OTULIN: variants seen among roughly 807,000 people sequenced by gnomAD.
The protein encoded by OTULIN is ubiquitin thioesterase otulin.
In OTULIN, 15 loss-of-function variants were observed where a neutral mutation model predicts 39.6. That is an observed-to-expected ratio of 0.38 (90% CI 0.25 to 0.58). The LOEUF (loss-of-function observed/expected upper bound fraction) is 0.58, where lower values mean the gene tolerates loss of function less well. Among genes scored for constraint, OTULIN ranks in the 20% least tolerant of loss-of-function variants. The pLI, the probability that OTULIN is intolerant of heterozygous loss-of-function variation, is 0.66. For synonymous variants in OTULIN, 156 were observed against 170.3 expected, an observed-to-expected ratio of 0.92 and a Z score of 0.65; for missense variants, 319 against 445.9, an observed-to-expected ratio of 0.72 and a Z score of 2.56.
At chr5:14,679,014 A>T (rs1736177783) in intron 3 of OTULIN, among the ~76,000 whole-genome samples, 1 of 152,234 alleles carries the variant, frequency 6.6e-6, no homozygotes, top group African/African-American at 2.4e-5. Context: ...AAAAACACGT[A>T]AATGACTGCT....
the OTULIN span, chr5:14,713,673 G>C: frequency 6.2e-7 from 1 of 1,613,796 alleles, no homozygotes; most frequent in African/African-American, 1.3e-5. The surrounding 1 kb of genome is among the most constrained non-coding windows in gnomAD (Gnocchi z 4.4). Context: ...TGTGACTGTT[G>C]GGAGGAGCAA....
chr5:14,713,614 C>A, the OTULIN span: 3 of 1,614,200 alleles, frequency 1.9e-6, no homozygotes, highest in Non-Finnish European at 2.5e-6. The surrounding 1 kb of genome is among the most constrained non-coding windows in gnomAD (Gnocchi z 4.4). Flanking sequence ...GGGGCAAGGA[C>A]GAAGGTTTTC....
rs1736595754 is a variant in OTULIN at position 14,693,800 on chromosome 5, T to C, written c.*752T>C. On this transcript the variant is annotated 3_prime_UTR_variant, in exon 7 of 7. Transcript: ENST00000284274. Reference sequence around the variant, plus strand: ...AGTGGTGAGGGAACCTAGAACTTCTTGCTCCTTGTGACTATGACAGATGTC... The same window carrying C: ...AGTGGTGAGGGAACCTAGAACTTCTCGCTCCTTGTGACTATGACAGATGTC... 6.6e-6 allele frequency: 1 copy of C among 152,280 alleles called. No individual in the cohort carries two copies. The highest frequency in any genetic ancestry group is 2.1e-4 in the South Asian group (1 of 4,824). The allele number at this position is 152,280 out of a possible 1,614,324, so 9.4% of individuals were successfully genotyped here.
intron 1 of OTULIN, among the ~76,000 whole-genome samples, chr5:14,666,336 A>T (rs1230115641): frequency 6.6e-6 from 1 of 152,130 alleles, no homozygotes; most frequent in Non-Finnish European, 1.5e-5. Flanking sequence ...TTTCTTGAAG[A>T]GTTTTTGTGG....
chr5:14,703,967 C>T (rs897783687), downstream of OTULIN, among the ~76,000 whole-genome samples: 1 of 152,144 alleles, frequency 6.6e-6, no homozygotes, highest in African/African-American at 2.4e-5. Context: ...ACACTTTCTA[C>T]AATGTCTTAT....
chr5:14,683,903 G>A (rs949942514), intron 4 of OTULIN, among the ~76,000 whole-genome samples: 1 of 152,034 alleles, frequency 6.6e-6, no homozygotes, highest in African/African-American at 2.4e-5. Flanking sequence ...GATATATTGG[G>A]TAAGATTATC....
intron 5 of OTULIN, among the ~76,000 whole-genome samples, chr5:14,688,970 T>C (rs1379992402): frequency 6.6e-6 from 1 of 152,228 alleles, no homozygotes; most frequent in Non-Finnish European, 1.5e-5. Flanking sequence ...AAATTACTAA[T>C]AATCTGAGCC....
At chr5:14,675,089 C>T (rs979134864) in intron 2 of OTULIN, among the ~76,000 whole-genome samples, 1 of 152,144 alleles carries the variant, frequency 6.6e-6, no homozygotes, top group African/African-American at 2.4e-5. Flanking sequence ...ACTCATGTTG[C>T]TCTAATAGGG....
chr5:14,670,632 TCTCA>T (rs1735957121), intron 1 of OTULIN, among the ~76,000 whole-genome samples: 1 of 152,186 alleles, frequency 6.6e-6, no homozygotes, highest in Non-Finnish European at 1.5e-5. Context: ...AGTGACAGGG[TCTCA>T]CTCTATTGCC....
At chr5:14,706,995 C>G in the OTULIN span, 1 of 152,176 alleles carries the variant, frequency 6.6e-6, no homozygotes, top group South Asian at 2.1e-4. Flanking sequence ...TCCTCACACT[C>G]CACTGCAATT....
chr5:14,700,851 C>G (rs1043572417), downstream of OTULIN, among the ~76,000 whole-genome samples: 2 of 152,144 alleles, frequency 1.3e-5, no homozygotes, highest in Middle Eastern at 3.2e-3. Context: ...CTCAGGGCGA[C>G]CCATCACCTT....
chr5:14,698,520 G>A lies in OTULIN; in HGVS notation c.*5472G>A, dbSNP rs1736729981. On this transcript the variant is annotated 3_prime_UTR_variant, in exon 7 of 7. Transcript: ENST00000284274. ...TGTCAGAAGCTGAACTGACTTGGGG[G>A]CTTTGCTGTTGATCCACTTTAGCAA... 6.6e-6 allele frequency: 1 copy of A among 152,226 alleles called. No individual in the cohort carries two copies. The highest frequency in any genetic ancestry group is 2.1e-4 in the South Asian group (1 of 4,830). 9.4% of individuals were successfully genotyped at this position (152,226 alleles called of 1,614,324 possible).
At chr5:14,671,915 T>C (rs1036378292) in intron 1 of OTULIN, among the ~76,000 whole-genome samples, 19 of 152,236 alleles carry the variant, frequency 1.2e-4, no homozygotes, top group Non-Finnish European at 1.5e-5. Context: ...TTAAGGTGAA[T>C]ACTCTTACTG....
At chr5:14,713,717 C>T in the OTULIN span, 1 of 1,611,684 alleles carries the variant, frequency 6.2e-7, no homozygotes, top group Non-Finnish European at 8.5e-7. The surrounding 1 kb of genome is among the most constrained non-coding windows in gnomAD (Gnocchi z 4.4). Context: ...ATCCACTCCC[C>T]ATCCTGCTGC....
intron 2 of OTULIN, 125 bp downstream of exon 2, chr5:14,673,843 T>C: frequency 1.4e-6 from 1 of 709,862 alleles, no homozygotes; most frequent in Non-Finnish European, 2.2e-6. Context: ...CTTATCTACA[T>C]TGATTGTTTT....
At chr5:14,710,694 A>C in the OTULIN span, 4 of 177,088 alleles carry the variant, frequency 2.3e-5, no homozygotes, top group East Asian at 6.0e-4. Context: ...GGCGGAAGGG[A>C]AATTTAAGAG....
At chr5:14,677,554 T>C (rs1054343505) in intron 2 of OTULIN, among the ~76,000 whole-genome samples, 2 of 152,188 alleles carry the variant, frequency 1.3e-5, no homozygotes, top group African/African-American at 4.8e-5. Context: ...TGCGTGTATA[T>C]GCACATACCA....
At position 14,678,762 on chromosome 5, in the gene OTULIN, C is replaced by G; in HGVS notation, c.311C>G (p.Thr104Arg). 1 of 1,603,456 alleles carries G rather than the reference C, an allele frequency of 6.2e-7. No individual in the cohort carries two copies. The highest frequency in any genetic ancestry group is 2.2e-5 in the East Asian group (1 of 44,638). The part of the protein sequence containing the change: ...KEWRGNTQKA[T>R]CMKMGYEEVS... ...TGGAGAGGAAATACACAGAAAGCAA[C>G]GTGTATGAAAATGGTATGACACAGA... The change falls in exon 3 of 7, where the codon ACG (threonine) becomes AGG (arginine). Residue 104 changes from threonine to arginine, a missense_variant. By Grantham distance (71) the Thr-to-Arg change is moderately conservative. Transcript: ENST00000284274.
At chr5:14,704,752 A>G (rs980999813), downstream of OTULIN, 1 of 152,210 alleles carries the variant, frequency 6.6e-6, no homozygotes. Flanking sequence ...CGGTGAGTAA[A>G]CAGATGCATG....
Sources: gnomAD v4.1 joint callset for allele counts (sites outside exome capture counted in the v4.1 genomes callset) on GRCh38, gnomAD v4.1.1 for gene constraint, Gnocchi (gnomAD v3.1) non-coding constraint, MANE v1.5 for transcripts, NCBI Gene and HGNC (gene_info 2026-07-23, HGNC 2026-07-21) for gene names.